SDCCAG8: variants seen among roughly 807,000 people sequenced by gnomAD.
SDCCAG8 encodes serologically defined colon cancer antigen 8.
SDCCAG8 carries 74 observed loss-of-function variants against 101.8 expected under a neutral mutation model. The observed-to-expected ratio is 0.73, with a 90% confidence interval of 0.60 to 0.88. The LOEUF is 0.88. SDCCAG8 is among the 40% of genes least tolerant of loss of function. SDCCAG8 has a pLI of 0.00. For synonymous variants in SDCCAG8, 281 were observed against 292.9 expected, an observed-to-expected ratio of 0.96 and a Z score of 0.41; for missense variants, 787 against 822.6, an observed-to-expected ratio of 0.96 and a Z score of 0.53.
chr1:243,346,601 G>A (rs2075723393), intron 12 of SDCCAG8, among the ~76,000 whole-genome samples: 1 of 152,174 alleles, frequency 6.6e-6, no homozygotes, highest in East Asian at 1.9e-4. Context: ...CCTGAGCCTT[G>A]GCTCTGGCAT....
At chr1:243,358,253 C>T (rs758620623) in intron 12 of SDCCAG8, among the ~76,000 whole-genome samples, 29 of 151,846 alleles carry the variant, frequency 1.9e-4, no homozygotes, top group Non-Finnish European at 3.5e-4. Context: ...AATAAAAAGA[C>T]TCCTCAATTT....
At chr1:243,483,460 A>G (rs1664181054) in intron 16 of SDCCAG8, among the ~76,000 whole-genome samples, 1 of 151,854 alleles carries the variant, frequency 6.6e-6, no homozygotes, top group Non-Finnish European at 1.5e-5. Context: ...CTTCTGCCTA[A>G]GGCGCCCTCC....
At chr1:243,319,123 A>T (rs1056474995) in intron 9 of SDCCAG8, among the ~76,000 whole-genome samples, 13 of 152,112 alleles carry the variant, frequency 8.5e-5, no homozygotes, top group African/African-American at 3.1e-4. Context: ...CCTTTCTAAC[A>T]ATCAGACCTC....
Position 243,296,598 on chromosome 1 carries a change from T to A in SDCCAG8, c.675+3379T>A, listed in dbSNP as rs955307312. On this transcript the variant is annotated intron_variant, in intron 6 of 17. Coordinates refer to ENST00000366541, the MANE Select transcript of SDCCAG8 (RefSeq NM_006642.5). ...CGTTCTGTCGCCCAGGCGGGAGTGC[T>A]GTGGCGCGATCTCCGCTCACTGCAA... Among the ~76,000 whole-genome samples the A allele has an allele frequency of 2.1e-4, 27 of 126,380 alleles. 1 individual carries two copies. Among genetic ancestry groups the A allele is most frequent in the Admixed American group, 9.8e-4 (9 of 9,220 alleles). 82.9% of individuals were successfully genotyped at this position (126,380 alleles called of 152,430 possible). A position where few individuals can be genotyped will look rare whatever the true frequency, so the allele number is the denominator to read the frequency against.
At chr1:243,490,254 A>G (rs572469716) in intron 17 of SDCCAG8, among the ~76,000 whole-genome samples, 34 of 152,322 alleles carry the variant, frequency 2.2e-4, no homozygotes, top group Admixed American at 4.6e-4. Flanking sequence ...GGCGCCACGG[A>G]GCTAAGGCCT....
Position 243,344,274 on chromosome 1 carries a change from A to C in SDCCAG8, c.1416A>C (p.Glu472Asp), listed in dbSNP as rs764566581. 6.2e-7 allele frequency: 1 copy of C among 1,614,072 alleles called. No individual in the cohort carries two copies. The highest frequency in any genetic ancestry group is 1.7e-5 in the Admixed American group (1 of 60,026). Residue 472 changes from glutamate (E) to aspartate (D), a missense_variant, in exon 12 of 18, where the codon GAA (glutamate) becomes GAC (aspartate). Glu to Asp is a conservative substitution (Grantham distance 45). Transcript: ENST00000366541. ...CCAACATGGAGAAGGATGAGGCAGA[A>C]AAGGAGCACAGAGAGTTCAGAGCAA... ...NKTNMEKDEA[E>D]KEHREFRAKT...
chr1:243,400,969 G>C (rs1243468580), intron 13 of SDCCAG8, among the ~76,000 whole-genome samples: 1 of 152,126 alleles, frequency 6.6e-6, no homozygotes, highest in African/African-American at 2.4e-5. Context: ...GGAAGAAATG[G>C]AGCAACTCAT....
intron 10 of SDCCAG8, among the ~76,000 whole-genome samples, chr1:243,337,171 G>A (rs1324461174): frequency 6.6e-6 from 1 of 151,942 alleles, no homozygotes. Flanking sequence ...ATTCATCTAG[G>A]GTCAATTTTT....
rs1170959853 is a variant in SDCCAG8 at position 243,474,450 on chromosome 1, G to T, written c.1986-14564G>T. Among the ~76,000 whole-genome samples, 1 of 152,140 alleles carries T rather than the reference G, an allele frequency of 6.6e-6. No individual in the cohort carries two copies. Among genetic ancestry groups the T allele is most frequent in the Non-Finnish European group, 1.5e-5 (1 of 68,002 alleles). ...GCCCTCTCGCGCGGCTTCGGGACTC[G>T]GCCGAGCCCGGGCCTAGTATCCAGA... On this transcript the variant is annotated intron_variant, in intron 16 of 17. Transcript: ENST00000366541. The surrounding 1 kb of genome is among the most constrained non-coding windows in gnomAD (Gnocchi z 4.7).
chr1:243,438,516 T>TTGTGTGTGTGTG lies in SDCCAG8; in HGVS notation c.1985+11976_1985+11987dup, dbSNP rs147959124. 4.3e-3 allele frequency among the ~76,000 whole-genome samples: 625 copies of TTGTGTGTGTGTG among 146,512 alleles called. 4 individuals are homozygous for TTGTGTGTGTGTG. Among genetic ancestry groups the TTGTGTGTGTGTG allele is most frequent in the African/African-American group, 0.013 (540 of 40,226 alleles). ...TTGCCCATTGTTAGAGTGGGAGTGATTGTGTGTGTGTGTGTGTGTGTGTGT... is the reference window on the plus strand; with the variant it reads ...TTGCCCATTGTTAGAGTGGGAGTGATTGTGTGTGTGTGTGTGTGTGTGTGTGTGTGTGTGTGT... On this transcript the variant is annotated intron_variant, in intron 16 of 17. Coordinates refer to ENST00000366541, the MANE Select transcript of SDCCAG8 (RefSeq NM_006642.5).
At chr1:243,332,523 G>A (rs755531267) in intron 10 of SDCCAG8, among the ~76,000 whole-genome samples, 46 of 151,784 alleles carry the variant, frequency 3.0e-4, no homozygotes, top group African/African-American at 9.7e-4. Flanking sequence ...GGTGATTTTC[G>A]CAGTCCAGGT....
At chr1:243,301,074 T>A (rs1276609334) in intron 6 of SDCCAG8, among the ~76,000 whole-genome samples, 2 of 152,192 alleles carry the variant, frequency 1.3e-5, no homozygotes, top group Non-Finnish European at 2.9e-5. Flanking sequence ...AAAGTTAAAA[T>A]TTTTCAAAAC....
At chr1:243,317,003 A>G (rs1332684989) in intron 9 of SDCCAG8, 110 bp downstream of exon 9, 1 of 1,123,924 alleles carries the variant, frequency 8.9e-7, no homozygotes, top group South Asian at 1.4e-5. Context: ...TCAAACACAC[A>G]AAGTGAATTA....
At chr1:243,396,575 TG>T (rs1392408673) in intron 13 of SDCCAG8, among the ~76,000 whole-genome samples, 3 of 152,246 alleles carry the variant, frequency 2.0e-5, no homozygotes, top group Non-Finnish European at 2.9e-5. Flanking sequence ...AATTCATTAG[TG>T]AAAATATTTA....
At chr1:243,437,529 T>TCC (rs1372371078) in intron 16 of SDCCAG8, among the ~76,000 whole-genome samples, 1 of 147,870 alleles carries the variant, frequency 6.8e-6, no homozygotes, top group African/African-American at 2.6e-5. Flanking sequence ...CATGGAGGAA[T>TCC]TCTTTTTTTT....
chr1:243,327,451 GAAATTA>G (rs1346457483), intron 9 of SDCCAG8, among the ~76,000 whole-genome samples: 1 of 144,568 alleles, frequency 6.9e-6, no homozygotes, highest in Non-Finnish European at 1.5e-5. Context: ...TAATTTTGTA[GAAATTA>G]AAATTATAAT....
chr1:243,272,209 C>T (rs756598265), intron 3 of SDCCAG8, among the ~76,000 whole-genome samples: 1 of 152,160 alleles, frequency 6.6e-6, no homozygotes, highest in Non-Finnish European at 1.5e-5. Flanking sequence ...ACATGCATAG[C>T]AGCAAGTAAC....
chr1:243,415,574 A>T, intron 13 of SDCCAG8, 128 bp from the exon 14 acceptor site: 1 of 1,310,512 alleles, frequency 7.6e-7, no homozygotes, highest in Non-Finnish European at 1.1e-6. Flanking sequence ...GAGGGTCATT[A>T]GAAAGGTCCT....
chr1:243,410,259 G>A lies in SDCCAG8; in HGVS notation c.1617-5443G>A, dbSNP rs565737515. ...AAAGAGGGATTTCCTGTCCCCTGGA[G>A]CCCTGTTGTTAAATATCGTCTGGCA... On this transcript the variant is annotated intron_variant, in intron 13 of 17. Coordinates refer to ENST00000366541, the MANE Select transcript of SDCCAG8 (RefSeq NM_006642.5). 2.0e-5 allele frequency among the ~76,000 whole-genome samples: 3 copies of A among 152,268 alleles called. No individual in the cohort carries two copies. The East Asian group carries it at 5.8e-4, about 29-fold the overall frequency.
Sources: allele counts gnomAD v4.1 joint callset (sites outside exome capture counted in the v4.1 genomes callset), GRCh38; gene constraint gnomAD v4.1.1; non-coding constraint Gnocchi (gnomAD v3.1); transcripts MANE v1.5; gene names NCBI Gene and HGNC (gene_info 2026-07-23, HGNC 2026-07-21).